DCBLD1: variants seen among roughly 807,000 people sequenced by gnomAD.
The protein encoded by DCBLD1 is discoidin, CUB and LCCL domain containing 1, also known as discoidin, CUB and LCCL domain-containing protein 1.
Under a neutral mutation model 71.5 loss-of-function variants are expected in DCBLD1, and 57 were observed. The observed-to-expected ratio is 0.80, with a 90% CI of 0.64 to 0.99. The LOEUF (loss-of-function observed/expected upper bound fraction) is 0.99, where lower values mean the gene tolerates loss of function less well. Among genes scored for constraint, DCBLD1 ranks in the 50% least tolerant of loss-of-function variants. DCBLD1 has a pLI of 0.00. For synonymous variants in DCBLD1, 380 were observed against 363.8 expected, an observed-to-expected ratio of 1.04 and a Z score of -0.51; for missense variants, 891 against 923.5, an observed-to-expected ratio of 0.96 and a Z score of 0.46.
intron 2 of DCBLD1, among the ~76,000 whole-genome samples, chr6:117,516,198 A>G (rs1252697228): frequency 6.6e-6 from 1 of 151,720 alleles, no homozygotes; most frequent in Admixed American, 6.6e-5. Context: ...CTAAAAAAAA[A>G]AAAATACAAA....
intron 14 of DCBLD1, chr6:117,566,912 T>A (rs765214025): frequency 7.7e-5 from 124 of 1,607,798 alleles, no homozygotes; most frequent in Non-Finnish European, 1.1e-4. Flanking sequence ...GGTTACCACC[T>A]CCTTCTAACT....
downstream of DCBLD1, chr6:117,549,900 G>A (rs919404598): frequency 1.5e-4 from 148 of 978,666 alleles, 1 homozygote; most frequent in Non-Finnish European, 1.6e-4. Flanking sequence ...AAGAGAAAGA[G>A]CTTGGTGCCA....
Position 117,559,090 on chromosome 6 carries a change from A to G in DCBLD1, c.1616-10530A>G, listed in dbSNP as rs143552074. 3.0e-4 allele frequency among the ~76,000 whole-genome samples: 45 copies of G among 152,328 alleles called. 1 individual carries two copies. The highest frequency in any genetic ancestry group is 1.0e-3 in the African/African-American group (43 of 41,568). ...ACTAGATAAACTATACTCACCAACC[A>G]GATGTCACTGTCTTTACCCTTTGGG... On this transcript the variant is annotated intron_variant, in intron 14 of 14. Coordinates refer to the DCBLD1 transcript ENST00000296955.
At chr6:117,516,497 G>C (rs1353047280) in intron 2 of DCBLD1, among the ~76,000 whole-genome samples, 1 of 152,120 alleles carries the variant, frequency 6.6e-6, no homozygotes, top group Admixed American at 6.5e-5. Flanking sequence ...GGCATGTGAG[G>C]GTAAGCATAT....
In DCBLD1 at chr6:117,548,982, A is replaced by G; in HGVS notation, c.*543A>G. The G allele has an allele frequency of 1.0e-6, 1 of 986,892 alleles. No homozygotes were observed. The highest frequency in any genetic ancestry group is 1.2e-6 in the Non-Finnish European group (1 of 830,960). 61.1% of individuals were successfully genotyped at this position (986,892 alleles called of 1,614,324 possible). On this transcript the variant is annotated 3_prime_UTR_variant, in exon 15 of 15. Coordinates refer to ENST00000338728, the MANE Select transcript of DCBLD1 (RefSeq NM_001366458.2). ...GATAACTAGAACTGAAAGCATTTTT[A>G]ACATTCTTCTCCTGGAAGAAATGAA...
chr6:117,550,315 G>C (rs954915359), downstream of DCBLD1, among the ~76,000 whole-genome samples: 2 of 152,136 alleles, frequency 1.3e-5, no homozygotes, highest in African/African-American at 4.8e-5. Flanking sequence ...GAGTGGAAAG[G>C]TCTGATAAAC....
rs565440608 is a variant in DCBLD1 at position 117,563,134 on chromosome 6, C to T, written c.1616-6486C>T. 2.0e-5 allele frequency: 17 copies of T among 852,558 alleles called. No homozygotes were observed. In the African/African-American group the frequency reaches 2.7e-4, roughly 14 times the overall value. The allele number at this position is 852,558 out of a possible 1,614,324, so 52.8% of individuals were successfully genotyped here. A position where few individuals can be genotyped will look rare whatever the true frequency, so the allele number is the denominator to read the frequency against. On this transcript the variant is annotated intron_variant, in intron 14 of 14. Transcript: ENST00000296955. The stretch of plus-strand genomic sequence containing the variant: ...TTGTTCACATGAAGCCCTGAGGTAC[C>T]CGCCTTTCATTTAGGCAACAAACAG...
intron 2 of DCBLD1, among the ~76,000 whole-genome samples, chr6:117,506,782 G>A (rs1037817921): frequency 6.6e-6 from 1 of 152,358 alleles, no homozygotes; most frequent in South Asian, 2.1e-4. Flanking sequence ...AGGCCCTAGT[G>A]CCCTTGCAGT....
At position 117,543,142 on chromosome 6, in the gene DCBLD1, TG is replaced by T; in HGVS notation, c.1378del (p.Ala460LeufsTer67). On this transcript the variant is annotated frameshift_variant, in exon 12 of 15. Coordinates refer to ENST00000338728, the MANE Select transcript of DCBLD1 (RefSeq NM_001366458.2). LOFTEE classifies it high-confidence loss of function. ...TCTTTAGGAATAAACATTACAACGG[TG>T]GCTATTCCATTGGTGCTCCTTGTTG... The part of the protein sequence containing the change: ...ETSTGINITT[V>X]AIPLVLLVVL... 1 of 1,614,152 alleles carries T rather than the reference TG, an allele frequency of 6.2e-7. No homozygotes were observed. The highest frequency in any genetic ancestry group is 2.2e-5 in the East Asian group (1 of 44,882).
At chr6:117,495,078 C>T (rs192388195) in intron 1 of DCBLD1, among the ~76,000 whole-genome samples, 13 of 152,262 alleles carry the variant, frequency 8.5e-5, no homozygotes, top group African/African-American at 3.1e-4. Context: ...TGGTAAACCA[C>T]CCAGACTAGT....
At chr6:117,559,772 G>A (rs979380122) in intron 14 of DCBLD1, among the ~76,000 whole-genome samples, 1 of 152,078 alleles carries the variant, frequency 6.6e-6, no homozygotes, top group African/African-American at 2.4e-5. Flanking sequence ...GAAAATACAA[G>A]TTCTCTTTAA....
At position 117,516,951 on chromosome 6, in the gene DCBLD1, A is replaced by G. The variant is rs542911737; in HGVS notation, c.326-2865A>G. ...TTCAAGATGAGATTTGGGTGGGGAC[A>G]CCCAAACCATTATCATTTCGACCCT... is the stretch of plus-strand genomic sequence containing the variant. On this transcript the variant is annotated intron_variant, in intron 2 of 14. Transcript: ENST00000338728. Among the ~76,000 whole-genome samples the G allele has an allele frequency of 2.6e-5, 4 of 152,258 alleles. No individual in the cohort carries two copies. In the South Asian group the frequency reaches 6.2e-4, roughly 24 times the overall value.
intron 14 of DCBLD1, among the ~76,000 whole-genome samples, chr6:117,555,271 TTC>T (rs778428157): frequency 5.9e-5 from 9 of 152,354 alleles, no homozygotes; most frequent in Non-Finnish European, 1.0e-4. Flanking sequence ...TTATGGGTAT[TTC>T]TCTCTTATTT....
intron 6 of DCBLD1, among the ~76,000 whole-genome samples, chr6:117,534,412 G>A (rs773292142): frequency 4.6e-5 from 7 of 152,174 alleles, no homozygotes; most frequent in African/African-American, 1.7e-4. Context: ...TTTTGAGAAT[G>A]TATTCCTTTT....
intron 4 of DCBLD1, 149 bp from the exon 5 acceptor site, chr6:117,525,213 T>C: frequency 2.3e-6 from 1 of 428,822 alleles, no homozygotes; most frequent in East Asian, 4.3e-5. Context: ...TATAGATCAA[T>C]CTGTATTTTC....
intron 14 of DCBLD1, among the ~76,000 whole-genome samples, chr6:117,546,552 A>G (rs1310133529): frequency 6.6e-6 from 1 of 152,188 alleles, no homozygotes; most frequent in Non-Finnish European, 1.5e-5. Flanking sequence ...GTTCCTTGGA[A>G]GTGACATGAA....
intron 1 of DCBLD1, chr6:117,494,863 C>T (rs557463097): frequency 9.2e-5 from 14 of 152,280 alleles, no homozygotes; most frequent in Admixed American, 2.6e-4. Context: ...CCCAGGAGTT[C>T]ACCAGTATGT....
intron 7 of DCBLD1, 80 bp from the exon 8 acceptor site, chr6:117,538,540 A>G: frequency 7.7e-7 from 1 of 1,294,694 alleles, no homozygotes; most frequent in Non-Finnish European, 1.1e-6. Flanking sequence ...GAATATTTCT[A>G]GGTGAGATGT....
At chr6:117,489,302 TCA>T (rs1308200560) in intron 1 of DCBLD1, among the ~76,000 whole-genome samples, 1 of 152,128 alleles carries the variant, frequency 6.6e-6, no homozygotes, top group Admixed American at 6.5e-5. Flanking sequence ...TAGCAAGAAC[TCA>T]CTTATCACCA....
Sources: gnomAD v4.1 joint callset for allele counts (sites outside exome capture counted in the v4.1 genomes callset) on GRCh38, gnomAD v4.1.1 for gene constraint, MANE v1.5 for transcripts, NCBI Gene and HGNC (gene_info 2026-07-23, HGNC 2026-07-21) for gene names.